The following ATG4A variants were observed in gnomAD, a reference collection of about 807,000 sequenced individuals.
The protein encoded by ATG4A is cysteine protease ATG4A.
Under a neutral mutation model 38.4 loss-of-function variants are expected in ATG4A, and 22 were observed. That is an observed-to-expected ratio of 0.57 (90% CI 0.41 to 0.82). The LOEUF (loss-of-function observed/expected upper bound fraction) is 0.82. Ranked by LOEUF, ATG4A falls within the 40% of genes least tolerant of loss-of-function variation. ATG4A has a pLI of 0.00. For synonymous variants in ATG4A, 86 were observed against 100.7 expected, an observed-to-expected ratio of 0.85 and a Z score of 0.88; for missense variants, 220 against 290.0, an observed-to-expected ratio of 0.76 and a Z score of 1.75.
At chrX:108,096,607 G>C (rs904363276) in intron 1 of ATG4A, among the ~76,000 whole-genome samples, 4 of 111,938 alleles carry the variant, frequency 3.6e-5, no homozygotes, top group African/African-American at 1.3e-4. Context: ...CTTTCCTACT[G>C]AGTGACTTGT....
chrX:108,089,873 C>T (rs756161046), upstream of ATG4A, among the ~76,000 whole-genome samples: 4 of 111,724 alleles, frequency 3.6e-5, no homozygotes, highest in African/African-American at 1.3e-4. Flanking sequence ...ATTAAAAAAG[C>T]TATAGTAGTC....
At chrX:108,126,711 G>T (rs1376674464) in intron 2 of ATG4A, 12 of 958,213 alleles carry the variant, frequency 1.3e-5, no homozygotes, top group Non-Finnish European at 1.6e-5. Context: ...AGTTTATTCT[G>T]ATTTTGTATA....
chrX:108,137,588 T>C (rs2033139405), intron 7 of ATG4A, among the ~76,000 whole-genome samples: 1 of 111,370 alleles, frequency 9.0e-6, no homozygotes, highest in African/African-American at 3.3e-5. Flanking sequence ...TATTGGGAGC[T>C]AAACAAGTAC....
At chrX:108,137,045 A>C in intron 6 of ATG4A, 46 bp from the exon 7 acceptor site, 1 of 1,086,948 alleles carries the variant, frequency 9.2e-7, no homozygotes, top group Non-Finnish European at 1.3e-6. Flanking sequence ...TTCTGCTGAT[A>C]TTTCCATCTT....
intron 1 of ATG4A, among the ~76,000 whole-genome samples, chrX:108,121,081 C>T (rs1229271523): frequency 8.9e-6 from 1 of 111,977 alleles, no homozygotes; most frequent in Non-Finnish European, 1.9e-5. Context: ...TTTGCCCAAT[C>T]TTCTGTTTTC....
At chrX:108,132,171 T>C (rs1444177733) in intron 4 of ATG4A, among the ~76,000 whole-genome samples, 1 of 112,103 alleles carries the variant, frequency 8.9e-6, no homozygotes, top group Non-Finnish European at 1.9e-5. Context: ...AGTGCTAGGA[T>C]TACAGGCATG....
chrX:108,122,622 A>G (rs1250467861), intron 1 of ATG4A, among the ~76,000 whole-genome samples: 1 of 111,670 alleles, frequency 9.0e-6, no homozygotes, highest in Non-Finnish European at 1.9e-5. Context: ...GAGAATTGTC[A>G]TTATTCGATC....
chrX:108,137,261 G>C (rs1473675061), intron 7 of ATG4A, 91 bp downstream of exon 7: 8 of 813,007 alleles, frequency 9.8e-6, no homozygotes, highest in Non-Finnish European at 1.4e-5. Flanking sequence ...GAGTCTCTCT[G>C]GTCTTCCCCA....
chrX:108,091,720 A>G, upstream of ATG4A: 1 of 1,091,493 alleles, frequency 9.2e-7, no homozygotes, highest in Non-Finnish European at 1.3e-6. Flanking sequence ...TGCTGCCCTC[A>G]CAGACTTGGC....
intron 1 of ATG4A, among the ~76,000 whole-genome samples, chrX:108,107,870 A>T (rs2032226651): frequency 9.0e-6 from 1 of 111,045 alleles, no homozygotes; most frequent in African/African-American, 3.3e-5. Context: ...CAACCATCAT[A>T]TGCCGGGGGA....
chrX:108,115,445 A>G (rs2032481363), intron 1 of ATG4A, among the ~76,000 whole-genome samples: 1 of 111,591 alleles, frequency 9.0e-6, no homozygotes, highest in Non-Finnish European at 1.9e-5. Flanking sequence ...TCCCAAATGT[A>G]ACACCTGTTC....
In ATG4A at chrX:108,153,055, C is replaced by T. The variant is rs1352924487; in HGVS notation, c.1094C>T (p.Pro365Leu). The T allele has an allele frequency of 3.3e-6, 4 of 1,210,565 alleles. No individual in the cohort carries two copies. In the South Asian group the frequency reaches 5.3e-5, roughly 16 times the overall value. ...HPSHWPPFVP[P>L]AKPEVTTTGA... ...TCACACTGGCCTCCCTTTGTACCTCCAGCCAAGCCAGAAGTGACAACCACT... is the reference window on the plus strand; with the variant it reads ...TCACACTGGCCTCCCTTTGTACCTCTAGCCAAGCCAGAAGTGACAACCACT... Residue 365 changes from proline (P) to leucine (L), a missense_variant, in exon 12 of 13, where the codon CCA (proline) becomes CTA (leucine). Pro to Leu is a moderately conservative substitution (Grantham distance 98). This residue lies in a region of ATG4A where 159 missense variants were observed against 188.9 expected (regional missense o/e 0.84). Coordinates refer to ENST00000372232, the MANE Select transcript of ATG4A (RefSeq NM_052936.5).
At chrX:108,150,800 G>T (rs1047915221) in intron 10 of ATG4A, among the ~76,000 whole-genome samples, 2 of 112,061 alleles carry the variant, frequency 1.8e-5, no homozygotes, top group African/African-American at 6.5e-5. Flanking sequence ...TGACACGTGG[G>T]GATTATTACA....
At chrX:108,106,596 A>G (rs1050921876) in intron 1 of ATG4A, among the ~76,000 whole-genome samples, 2 of 111,495 alleles carry the variant, frequency 1.8e-5, no homozygotes, top group Admixed American at 9.5e-5. Context: ...GCTGGCAACA[A>G]ATTCTTAGTG....
intron 3 of ATG4A, among the ~76,000 whole-genome samples, chrX:108,129,865 C>T (rs926068109): frequency 2.8e-5 from 3 of 105,691 alleles, no homozygotes; most frequent in South Asian, 4.1e-4. Context: ...CCACCGCTCC[C>T]GGCCCTTTTT....
chrX:108,139,895 A>G (rs1033342576), intron 9 of ATG4A, among the ~76,000 whole-genome samples: 2 of 111,479 alleles, frequency 1.8e-5, no homozygotes, highest in African/African-American at 6.5e-5. Context: ...CTCAAATGGT[A>G]GAAGAGGCAA....
chrX:108,138,038 C>G, intron 8 of ATG4A, 47 bp downstream of exon 8: 1 of 1,195,414 alleles, frequency 8.4e-7, no homozygotes, highest in Non-Finnish European at 1.1e-6. Flanking sequence ...CCCATCACAC[C>G]GCCATCTCAG....
chrX:108,095,702 C>G (rs778374256), intron 1 of ATG4A, among the ~76,000 whole-genome samples: 1 of 95,616 alleles, frequency 1.0e-5, no homozygotes, highest in South Asian at 4.7e-4. Flanking sequence ...TTCTTATTTT[C>G]TTTTCTTTCT....
In ATG4A at chrX:108,150,862, G is replaced by A. The variant is rs773076460; in HGVS notation, c.960+565G>A. 4.5e-5 allele frequency among the ~76,000 whole-genome samples: 5 copies of A among 112,162 alleles called. No individual in the cohort carries two copies. In the South Asian group the frequency reaches 1.9e-3, roughly 42 times the overall value. On this transcript the variant is annotated intron_variant, in intron 10 of 12. Coordinates refer to ENST00000372232, the MANE Select transcript of ATG4A (RefSeq NM_052936.5). ...ACCACCAAACCGTATCACTAACTAC[G>A]CACTTAGGAGGAGTCACTTAATCTT... is the stretch of plus-strand genomic sequence containing the variant.
Sources: allele counts gnomAD v4.1 joint callset (sites outside exome capture counted in the v4.1 genomes callset), GRCh38; gene constraint gnomAD v4.1.1; regional missense constraint gnomAD v4.1.1; transcripts MANE v1.5; gene names NCBI Gene and HGNC (gene_info 2026-07-23, HGNC 2026-07-21).